Variants in SLC44A5 observed in about 807,000 individuals in gnomAD.
SLC44A5 encodes the protein choline transporter-like protein 5.
SLC44A5 carries 57 observed loss-of-function variants against 101.8 expected under a neutral mutation model. The ratio of observed to expected loss-of-function variants is 0.56; its 90% CI spans 0.45 to 0.70. The LOEUF (loss-of-function observed/expected upper bound fraction) is 0.70. SLC44A5 is among the 30% of genes least tolerant of loss of function. SLC44A5 has a pLI of 0.00. For missense variants in SLC44A5, 737 were observed against 853.1 expected (o/e 0.86, Z 1.70); for synonymous variants, 281 against 290.9 (o/e 0.97, Z 0.35).
intron 2 of SLC44A5, among the ~76,000 whole-genome samples, chr1:75,485,033 G>A (rs1432584131): frequency 6.6e-6 from 1 of 152,232 alleles, no homozygotes; most frequent in Non-Finnish European, 1.5e-5. Flanking sequence ...AGGAGGCTAT[G>A]CCATGTAGAT....
intron 5 of SLC44A5, among the ~76,000 whole-genome samples, chr1:75,275,302 G>T (rs574599234): frequency 2.0e-5 from 3 of 152,090 alleles, no homozygotes; most frequent in Non-Finnish European, 4.4e-5. Context: ...CTTAGAAAAT[G>T]ACATTTATTA....
At chr1:75,544,526 C>CACACACACACACACAA (rs199691628) in intron 1 of SLC44A5, among the ~76,000 whole-genome samples, 2 of 149,438 alleles carry the variant, frequency 1.3e-5, no homozygotes, top group African/African-American at 4.9e-5. Flanking sequence ...CACACACACA[C>CACACACACACACACAA]AACAAAATAC....
chr1:75,276,996 C>A (rs1206440912), intron 5 of SLC44A5, among the ~76,000 whole-genome samples: 2 of 152,110 alleles, frequency 1.3e-5, no homozygotes, highest in Non-Finnish European at 2.9e-5. Context: ...GCAGCATCTG[C>A]TATTGTTTTC....
intron 7 of SLC44A5, among the ~76,000 whole-genome samples, chr1:75,250,917 T>C (rs557656984): frequency 3.0e-4 from 45 of 152,274 alleles, no homozygotes; most frequent in Non-Finnish European, 3.1e-4. Context: ...ACAATGTTGA[T>C]CTTGATAAAA....
chr1:75,476,939 A>G (rs990995507), intron 2 of SLC44A5, among the ~76,000 whole-genome samples: 1 of 152,266 alleles, frequency 6.6e-6, no homozygotes, highest in African/African-American at 2.4e-5. Context: ...GAGAATGGGC[A>G]GACTGTCTCC....
At chr1:75,619,251 G>A in the SLC44A5 span, among the ~76,000 whole-genome samples, 1 of 151,098 alleles carries the variant, frequency 6.6e-6, no homozygotes, top group Non-Finnish European at 1.5e-5. Flanking sequence ...GAGGAAGGGA[G>A]GAAGGAACAA....
intron 2 of SLC44A5, among the ~76,000 whole-genome samples, chr1:75,446,709 C>A (rs193274311): frequency 6.5e-4 from 99 of 151,904 alleles, no homozygotes; most frequent in Middle Eastern, 3.4e-3. Context: ...GTATTCAAGC[C>A]CATTTCAATT....
chr1:75,705,830 C>G, the SLC44A5 span, among the ~76,000 whole-genome samples: 1 of 152,010 alleles, frequency 6.6e-6, no homozygotes, highest in Admixed American at 6.6e-5. Flanking sequence ...ACAGGTGCAC[C>G]ACCACGCCGG....
At chr1:75,224,856 C>T (rs530758962) in intron 13 of SLC44A5, among the ~76,000 whole-genome samples, 43 of 150,698 alleles carry the variant, frequency 2.9e-4, no homozygotes, top group East Asian at 5.8e-4. Flanking sequence ...TGTTTGTATA[C>T]GTGTGATTAT....
In SLC44A5 at chr1:75,300,014, CAAAAAAAAA is replaced by C. The variant is rs35608663; in HGVS notation, c.175+589_175+597del. Among the ~76,000 whole-genome samples the C allele has an allele frequency of 3.4e-3, 319 of 93,760 alleles. 3 individuals carry two copies. The highest frequency in any genetic ancestry group is 0.03 in the South Asian group (86 of 2,860). 61.5% of individuals were successfully genotyped at this position (93,760 alleles called of 152,430 possible). ...CTGGGAACACAGTGAGACTCTGTCT[CAAAAAAAAA>C]AAAAAAAAAAAAAAAAAATTTCAAA... On this transcript the variant is annotated intron_variant, in intron 5 of 23. Transcript: ENST00000370859.
At chr1:75,455,353 C>CA (rs963018342) in intron 2 of SLC44A5, among the ~76,000 whole-genome samples, 18 of 152,076 alleles carry the variant, frequency 1.2e-4, no homozygotes, top group African/African-American at 4.1e-4. Context: ...TCACCATAGA[C>CA]AAAATTTAAC....
At chr1:75,597,411 A>C (rs987570154) in intron 1 of SLC44A5, among the ~76,000 whole-genome samples, 1 of 152,154 alleles carries the variant, frequency 6.6e-6, no homozygotes, top group Non-Finnish European at 1.5e-5. Flanking sequence ...ATCCTATTAA[A>C]CTAACATTGA....
At chr1:75,210,502 T>C (rs886264513) in intron 23 of SLC44A5, among the ~76,000 whole-genome samples, 2 of 152,220 alleles carry the variant, frequency 1.3e-5, no homozygotes, top group Non-Finnish European at 2.9e-5. Flanking sequence ...GAGGCACTCC[T>C]CTCCGAATCC....
chr1:75,466,048 T>A (rs184521476), intron 2 of SLC44A5, among the ~76,000 whole-genome samples: 13 of 152,212 alleles, frequency 8.5e-5, no homozygotes, highest in Non-Finnish European at 1.9e-4. Flanking sequence ...TACTCTTATA[T>A]CCAAATCAGA....
intron 3 of SLC44A5, among the ~76,000 whole-genome samples, chr1:75,370,279 T>TAGAA (rs1382532258): frequency 6.6e-6 from 1 of 152,254 alleles, no homozygotes; most frequent in Non-Finnish European, 1.5e-5. Flanking sequence ...ATAACTATTT[T>TAGAA]AGAAAGAAGA....
Position 75,300,507 on chromosome 1 carries a change from A to G in SLC44A5, c.175+105T>C, listed in dbSNP as rs141460057. The G allele has an allele frequency of 1.5e-4, 96 of 654,970 alleles. No homozygotes were observed. The East Asian group carries it at 2.5e-3, about 17-fold the overall frequency. The allele number at this position is 654,970 out of a possible 1,614,324, so 40.6% of individuals were successfully genotyped here. On this transcript the variant is annotated intron_variant, in intron 5 of 23. Coordinates refer to ENST00000370859, the MANE Select transcript of SLC44A5 (RefSeq NM_001130058.2). ...TCCTCCAGGAAAGACAACAGTCAAT[A>G]ATAGGAAGGCTTTTGGAAGACAATA... is the stretch of plus-strand genomic sequence containing the variant.
chr1:75,640,159 A>C, the SLC44A5 span, among the ~76,000 whole-genome samples: 1 of 152,022 alleles, frequency 6.6e-6, no homozygotes, highest in Non-Finnish European at 1.5e-5. Context: ...TCTTCTGCTG[A>C]TCTTGCCAAG....
intron 2 of SLC44A5, among the ~76,000 whole-genome samples, chr1:75,528,602 C>T (rs900160188): frequency 2.0e-5 from 3 of 152,102 alleles, no homozygotes; most frequent in Non-Finnish European, 4.4e-5. Context: ...GTATTATTTC[C>T]CTCCAACTTT....
At chr1:75,549,916 G>C (rs1671847422) in intron 1 of SLC44A5, among the ~76,000 whole-genome samples, 1 of 152,034 alleles carries the variant, frequency 6.6e-6, no homozygotes, top group Non-Finnish European at 1.5e-5. Flanking sequence ...AATATATTGA[G>C]GGAAGAGGAA....
Sources: gnomAD v4.1 joint callset for allele counts (sites outside exome capture counted in the v4.1 genomes callset) on GRCh38, gnomAD v4.1.1 for gene constraint, MANE v1.5 for transcripts, NCBI Gene and HGNC (gene_info 2026-07-23, HGNC 2026-07-21) for gene names.